The following PDE5A variants were observed in gnomAD, a reference collection of about 807,000 sequenced individuals.
The protein encoded by PDE5A is cGMP-specific 3',5'-cyclic phosphodiesterase.
Under a neutral mutation model 110.2 loss-of-function variants are expected in PDE5A, and 67 were observed. The observed-to-expected ratio is 0.61, with a 90% CI of 0.50 to 0.75. The LOEUF is 0.75. Among genes scored for constraint, PDE5A ranks in the 30% least tolerant of loss-of-function variants. The pLI, the probability that PDE5A is intolerant of heterozygous loss-of-function variation, is 0.00. For synonymous variants in PDE5A, 328 were observed against 351.2 expected (o/e 0.93, Z 0.74); for missense variants, 862 against 1,045.1 (o/e 0.82, Z 2.42).
intron 3 of PDE5A, among the ~76,000 whole-genome samples, chr4:119,573,334 C>A (rs1728207399): frequency 6.6e-6 from 1 of 152,220 alleles, no homozygotes; most frequent in African/African-American, 2.4e-5. Context: ...ACATCCTTAT[C>A]AGCATCTGGT....
Position 119,501,096 on chromosome 4 carries a change from TTAA to T in PDE5A, c.2490+71_2490+73del, listed in dbSNP as rs1162096182. 10 of 884,874 alleles carry T rather than the reference TTAA, an allele frequency of 1.1e-5. No individual in the cohort carries two copies. The South Asian group carries it at 1.4e-4, about 13-fold the overall frequency. 54.8% of individuals were successfully genotyped at this position (884,874 alleles called of 1,614,324 possible). The stretch of plus-strand genomic sequence containing the variant: ...AGAAGCAAAATATAGGCGCCTAATA[TTAA>T]TCTCTTCAATTTTAGGTTCTAATTC... On this transcript the variant is annotated intron_variant, in intron 20 of 20. Coordinates refer to ENST00000354960, the MANE Select transcript of PDE5A (RefSeq NM_001083.4).
chr4:119,607,869 C>A (rs34601943), intron 1 of PDE5A, among the ~76,000 whole-genome samples: 16,597 of 152,238 alleles, frequency 0.11, 1,074 homozygotes, highest in Non-Finnish European at 0.15. Flanking sequence ...AGCATAAAGT[C>A]TGCTTCTCTC....
chr4:119,542,637 A>G lies in PDE5A; in HGVS notation c.1397-3T>C, dbSNP rs1433599655. ...CTTATTAACAAGTTGGCAAACCCCTATAACAATCCGAGAAATTGAGCAAAT... is the reference window on the plus strand; with the variant it reads ...CTTATTAACAAGTTGGCAAACCCCTGTAACAATCCGAGAAATTGAGCAAAT... On this transcript the variant is annotated splice_region_variant and splice_polypyrimidine_tract_variant and intron_variant, in intron 9 of 20. Transcript: ENST00000354960. 2.5e-6 allele frequency: 4 copies of G among 1,610,456 alleles called. No individual in the cohort carries two copies. The highest frequency in any genetic ancestry group is 3.4e-6 in the Non-Finnish European group (4 of 1,177,158).
In PDE5A at chr4:119,560,638, G is replaced by A. The variant is rs148134353; in HGVS notation, c.1132-275C>T. On this transcript the variant is annotated intron_variant, in intron 6 of 20. Transcript: ENST00000354960. The stretch of plus-strand genomic sequence containing the variant: ...TATTTGTTTTTTTCTAGGTGCTGAT[G>A]GATTTATTAGTTTCAAAATTTTTTA... Among the ~76,000 whole-genome samples, 57 of 152,116 alleles carry A rather than the reference G, an allele frequency of 3.7e-4. 1 individual carries two copies. In the East Asian group the frequency reaches 0.01, roughly 27 times the overall value.
At chr4:119,556,662 A>T (rs1727551895) in intron 7 of PDE5A, among the ~76,000 whole-genome samples, 1 of 152,240 alleles carries the variant, frequency 6.6e-6, no homozygotes, top group Admixed American at 6.5e-5. Flanking sequence ...GGTAGCACCT[A>T]AATGGAGTGG....
At chr4:119,625,764 G>A (rs942796384) in intron 1 of PDE5A, among the ~76,000 whole-genome samples, 6 of 151,826 alleles carry the variant, frequency 4.0e-5, no homozygotes, top group Non-Finnish European at 5.9e-5. Flanking sequence ...AAGTTAAAAC[G>A]TATGCAATAA....
Position 119,498,720 on chromosome 4 carries a change from C to CT in PDE5A, c.2508dup (p.Glu837ArgfsTer30). The CT allele has an allele frequency of 6.2e-7, 1 of 1,613,932 alleles. No individual in the cohort carries two copies. Among genetic ancestry groups the CT allele is most frequent in the Non-Finnish European group, 8.5e-7 (1 of 1,179,882 alleles). ...CCATCTAGCAAAGGGAAACAGTCCTCTGACACGTGGGTCAGGGCCTAAAGA... is the reference window on the plus strand; with the variant it reads ...CCATCTAGCAAAGGGAAACAGTCCTCTTGACACGTGGGTCAGGGCCTAAAGA... On this transcript the variant is annotated frameshift_variant, in exon 21 of 21. Coordinates refer to ENST00000354960, the MANE Select transcript of PDE5A (RefSeq NM_001083.4). LOFTEE classifies it high-confidence loss of function.
intron 3 of PDE5A, among the ~76,000 whole-genome samples, chr4:119,573,950 C>A (rs1435271565): frequency 6.6e-6 from 1 of 152,096 alleles, no homozygotes; most frequent in Non-Finnish European, 1.5e-5. Context: ...GAAGGGTGGG[C>A]TTGCCATGTA....
chr4:119,546,233 T>C (rs983487549), intron 9 of PDE5A, among the ~76,000 whole-genome samples: 3 of 152,296 alleles, frequency 2.0e-5, no homozygotes, highest in African/African-American at 7.2e-5. Context: ...ACATACTTTT[T>C]CCACATTTTA....
intron 9 of PDE5A, among the ~76,000 whole-genome samples, chr4:119,544,267 GACATCT>G (rs1727054173): frequency 6.6e-6 from 1 of 152,132 alleles, no homozygotes; most frequent in Non-Finnish European, 1.5e-5. Flanking sequence ...AAACAGTAAA[GACATCT>G]ACATGCTTAT....
At chr4:119,551,537 G>C (rs533013061) in intron 9 of PDE5A, among the ~76,000 whole-genome samples, 43 of 152,262 alleles carry the variant, frequency 2.8e-4, no homozygotes, top group Admixed American at 9.2e-4. Context: ...ATAATCTGAT[G>C]CATCCATTGC....
In PDE5A at chr4:119,496,545, T is replaced by G. The variant is rs1462018853; in HGVS notation, c.*2056A>C. The G allele has an allele frequency of 6.6e-6, 1 of 152,420 alleles. No homozygotes were observed. The highest frequency in any genetic ancestry group is 1.5e-5 in the Non-Finnish European group (1 of 68,008). 9.4% of individuals were successfully genotyped at this position (152,420 alleles called of 1,614,324 possible). On this transcript the variant is annotated 3_prime_UTR_variant, in exon 21 of 21. Coordinates refer to ENST00000354960, the MANE Select transcript of PDE5A (RefSeq NM_001083.4). ...CAAAGCCTCTAAACACGATCTACCA[T>G]GTCTTTAAAAAATTTCTCAGTGACA...
At chr4:119,516,746 T>C (rs1233620636) in intron 14 of PDE5A, among the ~76,000 whole-genome samples, 1 of 152,168 alleles carries the variant, frequency 6.6e-6, no homozygotes, top group Non-Finnish European at 1.5e-5. Context: ...GCCTTCCAAG[T>C]AGCTGGGACT....
At chr4:119,559,724 A>G (rs190322709) in intron 7 of PDE5A, among the ~76,000 whole-genome samples, 72 of 152,342 alleles carry the variant, frequency 4.7e-4, no homozygotes, top group Middle Eastern at 3.4e-3. Flanking sequence ...ATGGCACAGG[A>G]GCTTAGGACA....
At chr4:119,533,599 C>G (rs920173558) in intron 11 of PDE5A, among the ~76,000 whole-genome samples, 2 of 152,104 alleles carry the variant, frequency 1.3e-5, no homozygotes, top group African/African-American at 4.8e-5. Context: ...CACAGTGGGA[C>G]TGGACTAGTA....
At chr4:119,557,541 T>G (rs11731756) in intron 7 of PDE5A, among the ~76,000 whole-genome samples, 41,128 of 151,828 alleles carry the variant, frequency 0.27, 5,621 homozygotes, top group East Asian at 0.38. Context: ...TGCTTTAGAA[T>G]TAAATGGGAG....
In PDE5A at chr4:119,520,936, T is replaced by C. The variant is rs374789851; in HGVS notation, c.1904A>G (p.Gln635Arg). Residue 635 changes from glutamine (Q) to arginine (R), a missense_variant and splice_region_variant, in exon 13 of 21, where the codon CAG (glutamine) becomes CGG (arginine). By Grantham distance (43) the Gln-to-Arg change is conservative. Coordinates refer to ENST00000354960, the MANE Select transcript of PDE5A (RefSeq NM_001083.4). ...TATATGAATGGCTCTAAAAAGTACCTGAATTTTGCCTGCTTTTAGAGCAGC... is the reference window on the plus strand; with the variant it reads ...TATATGAATGGCTCTAAAAAGTACCCGAATTTTGCCTGCTTTTAGAGCAGC... Reference protein sequence around the residue: ...MFAALKAGKIQNKLTDLEILA... With the variant: ...MFAALKAGKIRNKLTDLEILA... 1 of 1,607,640 alleles carries C rather than the reference T, an allele frequency of 6.2e-7. No individual in the cohort carries two copies.
At chr4:119,558,668 A>G (rs192789708) in intron 7 of PDE5A, among the ~76,000 whole-genome samples, 21 of 152,312 alleles carry the variant, frequency 1.4e-4, no homozygotes, top group Admixed American at 1.0e-3. Flanking sequence ...TAAAATAAAA[A>G]AAATCTCAGA....
intron 6 of PDE5A, among the ~76,000 whole-genome samples, chr4:119,562,268 A>C (rs900477777): frequency 6.6e-6 from 1 of 152,206 alleles, no homozygotes; most frequent in Non-Finnish European, 1.5e-5. Context: ...GTTTCTTCAC[A>C]TTACAAAATC....
Sources: allele counts gnomAD v4.1 joint callset (sites outside exome capture counted in the v4.1 genomes callset), GRCh38; gene constraint gnomAD v4.1.1; transcripts MANE v1.5; gene names NCBI Gene and HGNC (gene_info 2026-07-23, HGNC 2026-07-21).